Variants in NCKAP5 observed in about 807,000 individuals in gnomAD.
The protein encoded by NCKAP5 is nck-associated protein 5.
A neutral mutation model predicts 167.0 loss-of-function variants in NCKAP5; 92 were observed. The ratio of observed to expected loss-of-function variants is 0.55; its 90% CI spans 0.47 to 0.66. The LOEUF (loss-of-function observed/expected upper bound fraction) is 0.66, where lower values mean the gene tolerates loss of function less well. Ranked by LOEUF, NCKAP5 falls within the 30% of genes least tolerant of loss-of-function variation. The pLI, the probability that NCKAP5 is intolerant of heterozygous loss-of-function variation, is 0.00. For synonymous variants in NCKAP5, 891 were observed against 877.4 expected (o/e 1.02, Z -0.27); for missense variants, 2,378 against 2,315.0 (o/e 1.03, Z -0.56).
At chr2:133,356,962 A>T (rs1415346864) in intron 3 of NCKAP5, among the ~76,000 whole-genome samples, 1 of 152,180 alleles carries the variant, frequency 6.6e-6, no homozygotes, top group African/African-American at 2.4e-5. Flanking sequence ...AGGAACCAAG[A>T]TTCTTGACCA....
intron 8 of NCKAP5, among the ~76,000 whole-genome samples, chr2:132,937,797 T>A (rs1303567751): frequency 6.6e-6 from 1 of 152,328 alleles, no homozygotes; most frequent in Non-Finnish European, 1.5e-5. Context: ...CCACCAAAGA[T>A]TTGTGGCTGG....
At chr2:133,349,388 C>G (rs150389145) in intron 3 of NCKAP5, among the ~76,000 whole-genome samples, 42 of 152,346 alleles carry the variant, frequency 2.8e-4, no homozygotes, top group Non-Finnish European at 4.4e-4. Context: ...CTGGTTCATA[C>G]TCAGCCTCTC....
chr2:132,857,603 G>A (rs1018474789), intron 11 of NCKAP5, among the ~76,000 whole-genome samples: 3 of 152,164 alleles, frequency 2.0e-5, no homozygotes, highest in African/African-American at 7.2e-5. Context: ...GTCTCTGTAA[G>A]AACATTACTT....
chr2:133,208,713 G>A (rs1439672070), intron 5 of NCKAP5, among the ~76,000 whole-genome samples: 1 of 152,180 alleles, frequency 6.6e-6, no homozygotes, highest in East Asian at 1.9e-4. Context: ...TATGACAAGT[G>A]TACCATGCTA....
chr2:133,206,937 G>A (rs995115648), intron 5 of NCKAP5, among the ~76,000 whole-genome samples: 6 of 152,084 alleles, frequency 3.9e-5, no homozygotes, highest in Non-Finnish European at 8.8e-5. Flanking sequence ...TACTAGGATT[G>A]GGAAATTCCA....
chr2:133,601,950 C>T, the NCKAP5 span, among the ~76,000 whole-genome samples: 5 of 152,010 alleles, frequency 3.3e-5, no homozygotes, highest in African/African-American at 1.2e-4. Flanking sequence ...TTGATTTTAT[C>T]CTAAGAATGA....
chr2:133,262,395 AAC>A (rs1052839803), intron 4 of NCKAP5, among the ~76,000 whole-genome samples: 13 of 152,218 alleles, frequency 8.5e-5, no homozygotes, highest in African/African-American at 2.9e-4. Context: ...CTTTCAACAC[AAC>A]ACAAAATGAT....
intron 5 of NCKAP5, among the ~76,000 whole-genome samples, chr2:133,201,736 C>G (rs983335494): frequency 1.3e-5 from 2 of 152,072 alleles, no homozygotes; most frequent in African/African-American, 4.8e-5. Flanking sequence ...AAGAAAGTAT[C>G]ATGCTTCATG....
intron 17 of NCKAP5, among the ~76,000 whole-genome samples, chr2:132,730,753 G>C (rs1323188609): frequency 6.6e-6 from 1 of 152,226 alleles, no homozygotes; most frequent in Non-Finnish European, 1.5e-5. Flanking sequence ...TCTGGAGGCT[G>C]TGTCATTAAT....
intron 10 of NCKAP5, among the ~76,000 whole-genome samples, chr2:132,866,446 T>C (rs930371953): frequency 6.6e-6 from 1 of 152,214 alleles, no homozygotes; most frequent in African/African-American, 2.4e-5. Flanking sequence ...CACTTTTGTA[T>C]TGTTGTTCTA....
chr2:132,882,254 T>G (rs1055555747), intron 8 of NCKAP5, among the ~76,000 whole-genome samples: 1 of 152,208 alleles, frequency 6.6e-6, no homozygotes, highest in African/African-American at 2.4e-5. Context: ...GGAATGATAA[T>G]TGGGAACTAA....
At chr2:133,661,624 G>A in the NCKAP5 span, among the ~76,000 whole-genome samples, 9 of 152,340 alleles carry the variant, frequency 5.9e-5, no homozygotes, top group Middle Eastern at 3.4e-3. Context: ...TCCAGTGGCA[G>A]TTCCATTATC....
chr2:133,344,214 C>A (rs1683794553), intron 3 of NCKAP5, among the ~76,000 whole-genome samples: 1 of 151,996 alleles, frequency 6.6e-6, no homozygotes. Context: ...TCGAGACCAG[C>A]CTGACCAACA....
intron 5 of NCKAP5, among the ~76,000 whole-genome samples, chr2:133,212,445 G>T (rs991467655): frequency 2.0e-5 from 3 of 152,140 alleles, no homozygotes; most frequent in African/African-American, 7.2e-5. Context: ...TCGGCTCGCT[G>T]CAACCTCCGC....
chr2:133,267,579 TA>T (rs1244486510), intron 4 of NCKAP5, among the ~76,000 whole-genome samples: 2 of 152,182 alleles, frequency 1.3e-5, no homozygotes, highest in Non-Finnish European at 2.9e-5. Flanking sequence ...TTTCCAGAGA[TA>T]AAAGGAAATC....
chr2:132,849,585 G>A (rs1228008704), intron 11 of NCKAP5, among the ~76,000 whole-genome samples: 1 of 152,178 alleles, frequency 6.6e-6, no homozygotes, highest in East Asian at 1.9e-4. Flanking sequence ...CAGAGATGCA[G>A]GTCACAAATC....
intron 8 of NCKAP5, among the ~76,000 whole-genome samples, chr2:132,895,076 A>G (rs367700306): frequency 2.6e-5 from 4 of 152,278 alleles, no homozygotes; most frequent in African/African-American, 9.6e-5. Context: ...TCACATCTGT[A>G]ATCCCAGCAC....
intron 8 of NCKAP5, among the ~76,000 whole-genome samples, chr2:132,888,957 C>T (rs1336037688): frequency 6.6e-6 from 1 of 152,068 alleles, no homozygotes; most frequent in Non-Finnish European, 1.5e-5. Context: ...GGCTGAAGTG[C>T]CATCTTTGGT....
At chr2:133,442,214 GAAGA>G (rs889730291) in intron 3 of NCKAP5, among the ~76,000 whole-genome samples, 20 of 152,302 alleles carry the variant, frequency 1.3e-4, no homozygotes, top group African/African-American at 4.6e-4. Context: ...AGACAGGAAG[GAAGA>G]AAGAGAGGCA....
Sources: gnomAD v4.1 joint callset for allele counts (sites outside exome capture counted in the v4.1 genomes callset) on GRCh38, gnomAD v4.1.1 for gene constraint, MANE v1.5 for transcripts, NCBI Gene and HGNC (gene_info 2026-07-23, HGNC 2026-07-21) for gene names.